The following FARS2 variants were observed in gnomAD, a reference collection of about 807,000 sequenced individuals.
FARS2 encodes phenylalanyl-tRNA synthetase 2, mitochondrial.
FARS2 carries 40 observed loss-of-function variants against 46.4 expected under a neutral mutation model. The ratio of observed to expected loss-of-function variants is 0.86; its 90% CI spans 0.67 to 1.12. FARS2 has a LOEUF of 1.12. Ranked by LOEUF, FARS2 falls within the 50% of genes most tolerant of loss-of-function variation. The pLI is 0.00. For synonymous variants in FARS2, 234 were observed against 214.9 expected, an observed-to-expected ratio of 1.09 and a Z score of -0.78; for missense variants, 513 against 567.9, an observed-to-expected ratio of 0.90 and a Z score of 0.98.
intron 6 of FARS2, among the ~76,000 whole-genome samples, chr6:5,696,781 TAATAA>T (rs1354744515): frequency 1.3e-5 from 2 of 152,206 alleles, no homozygotes; most frequent in African/African-American, 2.4e-5. Context: ...ATCATTTTTA[TAATAA>T]AATGCTCATT....
At chr6:5,578,808 CAAAAAAAAA>C (rs56248218) in intron 5 of FARS2, among the ~76,000 whole-genome samples, 2 of 124,358 alleles carry the variant, frequency 1.6e-5, no homozygotes, top group East Asian at 4.5e-4. Context: ...CACTCCGTCT[CAAAAAAAAA>C]AAAAAAAAAA....
chr6:5,275,707 C>T (rs1216711168), intron 1 of FARS2, among the ~76,000 whole-genome samples: 1 of 151,976 alleles, frequency 6.6e-6, no homozygotes, highest in East Asian at 1.9e-4. Flanking sequence ...ATATTGCTCC[C>T]TACTGGCCAG....
chr6:5,428,043 T>C (rs1762947275), intron 3 of FARS2, among the ~76,000 whole-genome samples: 1 of 152,208 alleles, frequency 6.6e-6, no homozygotes, highest in South Asian at 2.1e-4. Flanking sequence ...CCAGCAGCTC[T>C]AGTGGGTGTG....
intron 5 of FARS2, among the ~76,000 whole-genome samples, chr6:5,561,963 A>T (rs1772009392): frequency 6.6e-6 from 1 of 151,170 alleles, no homozygotes. Flanking sequence ...TTTCTTCTCC[A>T]TTTTCTTGTT....
intron 6 of FARS2, among the ~76,000 whole-genome samples, chr6:5,618,459 T>C (rs976406357): frequency 6.6e-6 from 1 of 152,202 alleles, no homozygotes; most frequent in African/African-American, 2.4e-5. Context: ...CAAAGCATGC[T>C]TAAGTGTGAG....
At chr6:5,259,896 G>T (rs190127071), upstream of FARS2, among the ~76,000 whole-genome samples, 1 of 152,174 alleles carries the variant, frequency 6.6e-6, no homozygotes, top group Admixed American at 6.5e-5. Context: ...TGAAAGCAGA[G>T]GCTCTGAATT....
chr6:5,453,283 G>A (rs986517446), intron 4 of FARS2, among the ~76,000 whole-genome samples: 5 of 152,248 alleles, frequency 3.3e-5, no homozygotes, highest in African/African-American at 1.2e-4. Context: ...AACAAAGCTA[G>A]GGTAAGTTTG....
intron 1 of FARS2, among the ~76,000 whole-genome samples, chr6:5,350,769 T>TG (rs1298400805): frequency 6.6e-6 from 1 of 152,190 alleles, no homozygotes; most frequent in Non-Finnish European, 1.5e-5. Context: ...GATGTTATCA[T>TG]GGGGAGAAAT....
intron 1 of FARS2, among the ~76,000 whole-genome samples, chr6:5,331,867 C>T (rs567896771): frequency 1.9e-4 from 29 of 152,166 alleles, no homozygotes; most frequent in African/African-American, 6.7e-4. Context: ...ACCTATTGCC[C>T]GACATTGCTG....
chr6:5,640,232 G>A (rs966039697), intron 6 of FARS2, among the ~76,000 whole-genome samples: 5 of 152,130 alleles, frequency 3.3e-5, no homozygotes, highest in African/African-American at 9.7e-5. Flanking sequence ...ATGCCATTGA[G>A]TGCCCATTCT....
chr6:5,575,184 C>T (rs933467949), intron 5 of FARS2, among the ~76,000 whole-genome samples: 11 of 152,180 alleles, frequency 7.2e-5, no homozygotes, highest in African/African-American at 2.7e-4. Context: ...AAACCACCAC[C>T]ATAAAGCACA....
chr6:5,702,605 A>G (rs1381104415), intron 6 of FARS2, among the ~76,000 whole-genome samples: 5 of 152,234 alleles, frequency 3.3e-5, no homozygotes, highest in African/African-American at 7.2e-5. Context: ...TTTAAAAGGT[A>G]TAAGAGCTCC....
intron 6 of FARS2, among the ~76,000 whole-genome samples, chr6:5,671,646 G>A (rs375132550): frequency 7.0e-4 from 107 of 152,286 alleles, no homozygotes; most frequent in African/African-American, 2.4e-3. Context: ...GGAAAAAATA[G>A]GAAAGGACTT....
intron 3 of FARS2, among the ~76,000 whole-genome samples, chr6:5,407,177 A>C (rs929439345): frequency 1.3e-5 from 2 of 151,388 alleles, no homozygotes; most frequent in Non-Finnish European, 2.9e-5. Context: ...CTAACATTTT[A>C]AATCGTTGAC....
chr6:5,274,362 C>G (rs1026824208), intron 1 of FARS2, among the ~76,000 whole-genome samples: 1 of 152,144 alleles, frequency 6.6e-6, no homozygotes, highest in Non-Finnish European at 1.5e-5. Flanking sequence ...TTTGTCATAG[C>G]CAGGCATAGC....
chr6:5,376,292 G>A (rs1286484554), intron 2 of FARS2, among the ~76,000 whole-genome samples: 1 of 152,124 alleles, frequency 6.6e-6, no homozygotes, highest in African/African-American at 2.4e-5. Flanking sequence ...GATAAACAAG[G>A]ACCAGCTTTA....
chr6:5,622,590 T>C (rs1582609593), intron 6 of FARS2, among the ~76,000 whole-genome samples: 1 of 152,214 alleles, frequency 6.6e-6, no homozygotes, highest in African/African-American at 2.4e-5. Flanking sequence ...TGCCTGCTCC[T>C]TCCATCTCTT....
At chr6:5,531,274 C>A (rs1769812681) in intron 4 of FARS2, among the ~76,000 whole-genome samples, 1 of 152,156 alleles carries the variant, frequency 6.6e-6, no homozygotes, top group Non-Finnish European at 1.5e-5. Context: ...GCATCACTGT[C>A]CAAACTGCAG....
chr6:5,251,619 G>A, the FARS2 span, among the ~76,000 whole-genome samples: 3 of 152,290 alleles, frequency 2.0e-5, no homozygotes, highest in East Asian at 5.8e-4. Context: ...GGGGAATGGT[G>A]CTAAACTATT....
Sources: allele counts gnomAD v4.1 joint callset (sites outside exome capture counted in the v4.1 genomes callset), GRCh38; gene constraint gnomAD v4.1.1; transcripts MANE v1.5; gene names NCBI Gene and HGNC (gene_info 2026-07-23, HGNC 2026-07-21).